Variants in WDPCP observed in about 807,000 individuals in gnomAD.
The protein encoded by WDPCP is WD repeat-containing and planar cell polarity effector protein fritz homolog.
A neutral mutation model predicts 93.1 loss-of-function variants in WDPCP; 71 were observed. The ratio of observed to expected loss-of-function variants is 0.76; its 90% confidence interval spans 0.63 to 0.93. WDPCP has a LOEUF of 0.93. Among genes scored for constraint, WDPCP ranks in the 40% least tolerant of loss-of-function variants. The pLI is 0.00. For synonymous variants in WDPCP, 315 were observed against 315.0 expected (o/e 1.00, Z 0.00); for missense variants, 844 against 887.4 (o/e 0.95, Z 0.62).
rs183186480 is a variant in WDPCP, at chr2:63,759,732, G to T, written n.308+53890C>A. Among the ~76,000 whole-genome samples, 170 of 152,308 alleles carry T rather than the reference G, an allele frequency of 1.1e-3. 2 individuals are homozygous for T. The Middle Eastern group carries it at 0.017, about 15-fold the overall frequency. Reference sequence around the variant, plus strand: ...AACCAACGTTTTGCCCACAGTCAGGGTGAGAAATTTAAGTCAAGCATTTCT... The same window carrying T: ...AACCAACGTTTTGCCCACAGTCAGGTTGAGAAATTTAAGTCAAGCATTTCT... On this transcript the variant is annotated intron_variant and non_coding_transcript_variant, in intron 2 of 4. Transcript: ENST00000467687.
intron 1 of WDPCP, among the ~76,000 whole-genome samples, chr2:63,562,756 G>T (rs931279836): frequency 1.3e-5 from 2 of 152,116 alleles, no homozygotes; most frequent in African/African-American, 2.4e-5. Context: ...CTTACTTAAT[G>T]AGTTAAATGT....
chr2:63,426,346 A>AAAAAC (rs1362474145), intron 9 of WDPCP, among the ~76,000 whole-genome samples: 3 of 152,178 alleles, frequency 2.0e-5, no homozygotes, highest in Non-Finnish European at 2.9e-5. Flanking sequence ...TGTCTCAAAA[A>AAAAAC]AAAACAAAAC....
intron 3 of WDPCP, chr2:63,604,681 T>C (rs752283219): frequency 2.5e-6 from 4 of 1,605,120 alleles, no homozygotes; most frequent in Admixed American, 1.7e-5. Context: ...ATGTATTTGT[T>C]TTCAATTTAA....
intron 2 of WDPCP, among the ~76,000 whole-genome samples, chr2:63,690,491 A>G (rs1668874385): frequency 6.6e-6 from 1 of 152,170 alleles, no homozygotes; most frequent in African/African-American, 2.4e-5. Flanking sequence ...GCCGTGACCC[A>G]TGCCTGTAAT....
chr2:63,413,238 C>T (rs1327589055), intron 9 of WDPCP, among the ~76,000 whole-genome samples: 4 of 152,140 alleles, frequency 2.6e-5, no homozygotes, highest in Non-Finnish European at 2.9e-5. Flanking sequence ...GCCAACTGAT[C>T]TTCGACAAAG....
At chr2:63,127,853 T>C (rs549023723) in intron 17 of WDPCP, among the ~76,000 whole-genome samples, 1 of 151,936 alleles carries the variant, frequency 6.6e-6, no homozygotes, top group Non-Finnish European at 1.5e-5. Flanking sequence ...ATACAAGATT[T>C]CTGTGGCCTG....
At chr2:63,711,720 C>T (rs540108825) in intron 2 of WDPCP, 3 of 152,328 alleles carry the variant, frequency 2.0e-5, no homozygotes, top group African/African-American at 7.2e-5. Context: ...GTGATGGTGC[C>T]ATTGTGCTCC....
intron 13 of WDPCP, among the ~76,000 whole-genome samples, chr2:63,272,765 C>T (rs1418528690): frequency 6.6e-6 from 1 of 152,166 alleles, no homozygotes; most frequent in Non-Finnish European, 1.5e-5. Context: ...CACCATAAAT[C>T]TACCAAATAT....
chr2:63,383,936 A>G (rs932274806), intron 10 of WDPCP, among the ~76,000 whole-genome samples: 6 of 152,208 alleles, frequency 3.9e-5, no homozygotes, highest in African/African-American at 1.4e-4. Context: ...ATTCTGAGTA[A>G]TATAATGAAG....
intron 2 of WDPCP, among the ~76,000 whole-genome samples, chr2:63,715,129 G>T (rs923567217): frequency 6.6e-6 from 1 of 152,222 alleles, no homozygotes; most frequent in African/African-American, 2.4e-5. Flanking sequence ...AAAGCAGATA[G>T]ATGGTTTCTA....
intron 2 of WDPCP, among the ~76,000 whole-genome samples, chr2:63,695,163 C>G (rs1302729192): frequency 2.0e-5 from 3 of 152,040 alleles, no homozygotes; most frequent in African/African-American, 7.2e-5. Flanking sequence ...CAAGGAACAA[C>G]AGAAGAGAAA....
intron 12 of WDPCP, among the ~76,000 whole-genome samples, chr2:63,348,892 G>A (rs903988460): frequency 1.4e-4 from 21 of 152,260 alleles, no homozygotes; most frequent in African/African-American, 4.8e-4. Context: ...TGGCTCTTCA[G>A]ACATCAGGGA....
chr2:63,525,047 A>G (rs1181857369), intron 1 of WDPCP, among the ~76,000 whole-genome samples: 2 of 152,218 alleles, frequency 1.3e-5, no homozygotes, highest in Non-Finnish European at 2.9e-5. Flanking sequence ...AGATACACAA[A>G]GTAATACTAC....
In WDPCP at chr2:63,575,479, G is replaced by GTATATATAC. The variant is rs1558833112; in HGVS notation, c.75+12717_75+12718insGTATATATA. 2.4e-3 allele frequency among the ~76,000 whole-genome samples: 6 copies of GTATATATAC among 2,524 alleles called. 1 individual carries two copies. The highest frequency in any genetic ancestry group is 3.5e-3 in the African/African-American group (3 of 846). The allele number at this position is 2,524 out of a possible 152,430, so 1.7% of individuals were successfully genotyped here. ...ATACAGTATATATGCAGTATATACAGTGTATATATAGTATATACAGTATAT... is the reference window on the plus strand; with the variant it reads ...ATACAGTATATATGCAGTATATACAGTATATATACTGTATATATAGTATATACAGTATAT... On this transcript the variant is annotated intron_variant, in intron 1 of 17. Transcript: ENST00000272321.
chr2:63,748,754 A>G (rs181859297), intron 2 of WDPCP, among the ~76,000 whole-genome samples: 115 of 152,198 alleles, frequency 7.6e-4, no homozygotes, highest in African/African-American at 2.6e-3. Flanking sequence ...TTTGCTGTGT[A>G]TCACTCATGG....
intron 2 of WDPCP, among the ~76,000 whole-genome samples, chr2:63,812,571 T>C (rs1195829703): frequency 2.0e-5 from 3 of 152,154 alleles, no homozygotes; most frequent in African/African-American, 4.8e-5. Flanking sequence ...CTCACCAACA[T>C]CTGTTGGTTT....
In WDPCP at chr2:63,122,062, A is replaced by T; in HGVS notation, c.2191-6T>A. On this transcript the variant is annotated splice_region_variant and splice_polypyrimidine_tract_variant and intron_variant, in intron 17 of 17. Transcript: ENST00000272321. Reference sequence around the variant, plus strand: ...GAACCACCATCTCTGATTTCCTGCAAATAAACAAATAAAAATAATGTTTAA... The same window carrying T: ...GAACCACCATCTCTGATTTCCTGCATATAAACAAATAAAAATAATGTTTAA... 1 of 1,592,044 alleles carries T rather than the reference A, an allele frequency of 6.3e-7. No homozygotes were observed. Among genetic ancestry groups the T allele is most frequent in the African/African-American group, 1.3e-5 (1 of 74,582 alleles).
intron 10 of WDPCP, among the ~76,000 whole-genome samples, chr2:63,386,392 T>C (rs1305924344): frequency 6.6e-6 from 1 of 152,008 alleles, no homozygotes; most frequent in African/African-American, 2.4e-5. Flanking sequence ...CAATTAAATT[T>C]GGGCAAAAGA....
upstream of WDPCP, chr2:63,589,133 A>T: frequency 1.2e-6 from 2 of 1,613,576 alleles, no homozygotes; most frequent in Non-Finnish European, 1.7e-6. Context: ...TTTGGGAGGC[A>T]GCTGTGCAAG....
Sources: allele counts gnomAD v4.1 joint callset (sites outside exome capture counted in the v4.1 genomes callset), GRCh38; gene constraint gnomAD v4.1.1; transcripts MANE v1.5; gene names NCBI Gene and HGNC (gene_info 2026-07-23, HGNC 2026-07-21).